Variants in TET2 observed in about 807,000 individuals in gnomAD.
TET2 encodes the protein tet methylcytosine dioxygenase 2.
TET2 carries 299 observed loss-of-function variants against 142.9 expected under a neutral mutation model. The ratio of observed to expected loss-of-function variants is 2.09; its 90% CI spans 1.90 to 2.30. TET2 has a LOEUF of 2.30. Among genes scored for constraint, TET2 ranks in the 30% most tolerant of loss-of-function variants. The pLI is 0.00. For missense variants in TET2, 2,418 were observed against 2,378.0 expected (o/e 1.02, Z -0.35); for synonymous variants, 819 against 849.0 (o/e 0.96, Z 0.61).
In TET2 at chr4:105,236,121, G is replaced by T. The variant is rs760672360; in HGVS notation, c.2179G>T (p.Ala727Ser). ...HLLQHKPHKQ[A>S]AQTQPSQSSH... ...TTTGCAACATAAGCCTCATAAACAG[G>T]CAGCACAAACACAACCATCCCAGAG... The change falls in exon 3 of 11, where the codon GCA (alanine) becomes TCA (serine). Residue 727 changes from alanine (A) to serine (S), a missense_variant. By Grantham distance (99) the Ala-to-Ser change is moderately conservative. Transcript: ENST00000380013. 7 of 1,614,030 alleles carry T rather than the reference G, an allele frequency of 4.3e-6. No homozygotes were observed. Among genetic ancestry groups the T allele is most frequent in the Non-Finnish European group, 5.9e-6 (7 of 1,179,996 alleles).
chr4:105,172,104 G>A (rs1393865860), intron 1 of TET2, among the ~76,000 whole-genome samples: 1 of 152,168 alleles, frequency 6.6e-6, no homozygotes, highest in African/African-American at 2.4e-5. Context: ...GCTCAGCAAA[G>A]TAGGGATGCG....
At chr4:105,256,676 T>A (rs1200995519) in intron 6 of TET2, among the ~76,000 whole-genome samples, 2 of 152,172 alleles carry the variant, frequency 1.3e-5, no homozygotes, top group African/African-American at 2.4e-5. Flanking sequence ...TTTTCAAATA[T>A]TCTTCCTATT....
chr4:105,236,857 C>T lies in TET2; in HGVS notation c.2915C>T (p.Ser972Phe), dbSNP rs1229928086. ...CAAACACAGCAACCCCAAACTGAGT[C>T]TTGCCATAGTCAGATGCACAGGCCA... ...QQQTQQPQTE[S>F]CHSQMHRPIK... The change falls in exon 3 of 11, where the codon TCT (serine) becomes TTT (phenylalanine). Residue 972 changes from serine (S) to phenylalanine (F), a missense_variant. Physicochemically the swap from Ser to Phe is radical, Grantham distance 155. Transcript: ENST00000380013. The T allele has an allele frequency of 6.2e-7, 1 of 1,614,138 alleles. No homozygotes were observed. The highest frequency in any genetic ancestry group is 1.7e-5 in the Admixed American group (1 of 59,998).
intron 9 of TET2, among the ~76,000 whole-genome samples, chr4:105,269,996 TACTC>T (rs1457974684): frequency 6.6e-6 from 1 of 152,092 alleles, no homozygotes; most frequent in African/African-American, 2.4e-5. Context: ...TCATGAGACT[TACTC>T]TCCTGAGAAC....
chr4:105,165,178 C>A (rs1724088130), intron 1 of TET2, among the ~76,000 whole-genome samples: 1 of 151,964 alleles, frequency 6.6e-6, no homozygotes, highest in Admixed American at 6.6e-5. Context: ...AGTTTGAAAC[C>A]AACCTGGCCA....
At chr4:105,209,037 C>T (rs188342696) in intron 2 of TET2, among the ~76,000 whole-genome samples, 2 of 103,162 alleles carry the variant, frequency 1.9e-5, no homozygotes, top group African/African-American at 3.1e-5. Flanking sequence ...GAAATAGATG[C>T]CTCAAGGCAT....
intron 2 of TET2, among the ~76,000 whole-genome samples, chr4:105,201,153 G>T (rs1457449146): frequency 6.6e-6 from 1 of 152,086 alleles, no homozygotes; most frequent in Non-Finnish European, 1.5e-5. Flanking sequence ...TTAATTATCT[G>T]TCTGAATCAT....
chr4:105,173,363 C>CAAAAAAAAAA (rs71584289), intron 1 of TET2, among the ~76,000 whole-genome samples: 1 of 114,646 alleles, frequency 8.7e-6, no homozygotes, highest in African/African-American at 3.3e-5. Context: ...ACTAAAAATA[C>CAAAAAAAAAA]AAAAAAAAAA....
chr4:105,155,644 A>G (rs1387321734), intron 1 of TET2, among the ~76,000 whole-genome samples: 1 of 152,140 alleles, frequency 6.6e-6, no homozygotes, highest in Non-Finnish European at 1.5e-5. Context: ...TTCTCATGAG[A>G]ATGCTGGGTT....
rs1729008443 is a variant in TET2 at position 105,237,276 on chromosome 4, C to T, written c.3334C>T (p.Leu1112=). The part of the protein sequence containing the change: ...NNFIESPSKL[L]DTPIKNLLDT... ...TTTTATAGAGTCACCTTCCAAATTACTAGATACTCCTATAAAAAATTTATT... is the reference window on the plus strand; with the variant it reads ...TTTTATAGAGTCACCTTCCAAATTATTAGATACTCCTATAAAAAATTTATT... The change falls in exon 3 of 11, where the codon CTA becomes TTA. Residue 1112 remains leucine, a synonymous_variant. Coordinates refer to ENST00000380013, the MANE Select transcript of TET2 (RefSeq NM_001127208.3). The T allele has an allele frequency of 6.2e-7, 1 of 1,613,976 alleles. No individual in the cohort carries two copies. Among genetic ancestry groups the T allele is most frequent in the South Asian group, 1.1e-5 (1 of 91,082 alleles).
chr4:105,200,415 G>A (rs1394625755), intron 2 of TET2, among the ~76,000 whole-genome samples: 1 of 151,682 alleles, frequency 6.6e-6, no homozygotes, highest in Non-Finnish European at 1.5e-5. Flanking sequence ...TGTTTTTCCT[G>A]TAAATTTAAG....
At chr4:105,252,488 G>A (rs763601269) in intron 6 of TET2, among the ~76,000 whole-genome samples, 1 of 151,568 alleles carries the variant, frequency 6.6e-6, no homozygotes, top group Non-Finnish European at 1.5e-5. Flanking sequence ...AAGTATGTAG[G>A]TTTTTGTGTG....
intron 1 of TET2, among the ~76,000 whole-genome samples, chr4:105,157,174 G>A (rs1272224474): frequency 1.4e-5 from 2 of 146,646 alleles, no homozygotes; most frequent in African/African-American, 5.2e-5. Context: ...ATCTTAAAAA[G>A]TGAATTATTA....
chr4:105,257,475 T>C (rs751846271), intron 6 of TET2, among the ~76,000 whole-genome samples: 3 of 152,132 alleles, frequency 2.0e-5, no homozygotes, highest in Non-Finnish European at 4.4e-5. Flanking sequence ...ACAGAATTCC[T>C]TAGGTGCCTG....
intron 2 of TET2, among the ~76,000 whole-genome samples, chr4:105,229,397 G>A (rs1467743491): frequency 1.3e-5 from 2 of 152,104 alleles, no homozygotes; most frequent in African/African-American, 4.8e-5. Context: ...TGCAACCTCC[G>A]CCTCCTGGGT....
intron 2 of TET2, among the ~76,000 whole-genome samples, chr4:105,229,730 A>G (rs184235904): frequency 2.7e-5 from 4 of 150,402 alleles, no homozygotes; most frequent in Admixed American, 2.0e-4. Context: ...CTTTTCCTGG[A>G]GGCAAATTAT....
intron 7 of TET2, among the ~76,000 whole-genome samples, chr4:105,261,381 T>C (rs914544418): frequency 6.6e-6 from 1 of 152,102 alleles, no homozygotes; most frequent in Non-Finnish European, 1.5e-5. Flanking sequence ...AATGTAAAGA[T>C]TAGAAATAGA....
chr4:105,186,653 G>T (rs1293694301), intron 1 of TET2, among the ~76,000 whole-genome samples: 1 of 151,842 alleles, frequency 6.6e-6, no homozygotes, highest in Non-Finnish European at 1.5e-5. Context: ...TATATTTTTA[G>T]TAGAGACGGG....
chr4:105,199,453 T>G (rs1437470604), intron 2 of TET2, among the ~76,000 whole-genome samples: 2 of 152,206 alleles, frequency 1.3e-5, no homozygotes, highest in East Asian at 3.8e-4. Flanking sequence ...TAACTTACAA[T>G]TTATTAATTT....
Sources: gnomAD v4.1 joint callset for allele counts (sites outside exome capture counted in the v4.1 genomes callset) on GRCh38, gnomAD v4.1.1 for gene constraint, MANE v1.5 for transcripts, NCBI Gene and HGNC (gene_info 2026-07-23, HGNC 2026-07-21) for gene names.